CAPN5: variants seen among roughly 807,000 people sequenced by gnomAD.
The protein encoded by CAPN5 is calpain 5.
A neutral mutation model predicts 73.0 loss-of-function variants in CAPN5; 54 were observed. That is an observed-to-expected ratio of 0.74 (90% CI 0.59 to 0.93). The LOEUF (loss-of-function observed/expected upper bound fraction) is 0.93. Ranked by LOEUF, CAPN5 falls within the 40% of genes least tolerant of loss-of-function variation. The pLI, the probability that CAPN5 is intolerant of heterozygous loss-of-function variation, is 0.00. For missense variants in CAPN5, 785 were observed against 882.9 expected, an observed-to-expected ratio of 0.89 and a Z score of 1.41; for synonymous variants, 335 against 356.9, an observed-to-expected ratio of 0.94 and a Z score of 0.69.
intron 3 of CAPN5, among the ~76,000 whole-genome samples, chr11:77,112,376 C>T (rs1367153622): frequency 1.3e-5 from 2 of 151,970 alleles, no homozygotes; most frequent in African/African-American, 4.8e-5. Flanking sequence ...GGAAGGAGGC[C>T]GAGGGAGCCT....
At chr11:77,122,931 A>C (rs954386360) in intron 12 of CAPN5, among the ~76,000 whole-genome samples, 3 of 152,196 alleles carry the variant, frequency 2.0e-5, no homozygotes, top group Admixed American at 2.0e-4. Context: ...TGTGGTCCTG[A>C]GACCCAGCAG....
chr11:77,095,023 C>A (rs551873610), intron 3 of CAPN5, among the ~76,000 whole-genome samples: 189 of 152,314 alleles, frequency 1.2e-3, no homozygotes, highest in African/African-American at 4.2e-3. Context: ...CAAAGCCACT[C>A]CAGGGTGGGC....
At position 77,093,599 on chromosome 11, in the gene CAPN5, G is replaced by A. The variant is rs960575463; in HGVS notation, c.166-83G>A. The A allele has an allele frequency of 2.3e-3, 3,118 of 1,359,646 alleles. 12 individuals carry two copies. Among genetic ancestry groups the A allele is most frequent in the Non-Finnish European group, 2.4e-3 (2,429 of 1,032,872 alleles). The allele number at this position is 1,359,646 out of a possible 1,614,324, so 84.2% of individuals were successfully genotyped here. On this transcript the variant is annotated intron_variant, in intron 2 of 12. Transcript: ENST00000648180. Reference sequence around the variant, plus strand: ...CACACAGCAAGTCTGTGTCTGTCACGTCTGTGTCTGTCATGTCTCCTGCCA... The same window carrying A: ...CACACAGCAAGTCTGTGTCTGTCACATCTGTGTCTGTCATGTCTCCTGCCA...
At chr11:77,091,291 G>A (rs1165220028) in intron 2 of CAPN5, among the ~76,000 whole-genome samples, 1 of 152,144 alleles carries the variant, frequency 6.6e-6, no homozygotes, top group African/African-American at 2.4e-5. Context: ...TGCACAGCAG[G>A]GAGCAGACAT....
chr11:77,100,101 T>TCAC (rs1950269284), intron 3 of CAPN5, among the ~76,000 whole-genome samples: 1 of 152,204 alleles, frequency 6.6e-6, no homozygotes, highest in African/African-American at 2.4e-5. Flanking sequence ...CCTCCCAAGG[T>TCAC]GCTGGGATTA....
At chr11:77,095,966 C>T (rs1348707618) in intron 3 of CAPN5, among the ~76,000 whole-genome samples, 1 of 152,346 alleles carries the variant, frequency 6.6e-6, no homozygotes, top group East Asian at 1.9e-4. Flanking sequence ...GCTAATTGCA[C>T]TTTGCCTCCT....
chr11:77,122,571 C>T lies in CAPN5; in HGVS notation c.1604-5C>T. On this transcript the variant is annotated splice_polypyrimidine_tract_variant and splice_region_variant and intron_variant, in intron 11 of 12. Coordinates refer to ENST00000648180, the MANE Select transcript of CAPN5 (RefSeq NM_004055.5). ...CTCACCCCATCTCCCACTCCCTCTC[C>T]CTAGGGGCTAACTCTTATGTGATCA... is the stretch of plus-strand genomic sequence containing the variant. 6.2e-7 allele frequency: 1 copy of T among 1,605,670 alleles called. No individual in the cohort carries two copies.
In CAPN5 at chr11:77,120,865, C is replaced by T. The variant is rs368622149; in HGVS notation, c.1443C>T (p.Gly481=). Residue 481 remains glycine, a synonymous_variant, in exon 10 of 13, where the codon GGC becomes GGT. Coordinates refer to ENST00000648180, the MANE Select transcript of CAPN5 (RefSeq NM_004055.5). ...CAACCTTCGAGCCAGGCCACACTGG[C>T]GAGTTCCTGCTCCGAGTCTTCACTG... is the stretch of plus-strand genomic sequence containing the variant. ...IPTTFEPGHT[G]EFLLRVFTDV... 8 of 1,614,010 alleles carry T rather than the reference C, an allele frequency of 5.0e-6. No homozygotes were observed. Among genetic ancestry groups the T allele is most frequent in the East Asian group, 4.5e-5 (2 of 44,898 alleles).
At chr11:77,097,464 G>GTTTTTTTTTTTTT (rs58077755) in intron 3 of CAPN5, among the ~76,000 whole-genome samples, 2 of 79,738 alleles carry the variant, frequency 2.5e-5, no homozygotes, top group Admixed American at 3.0e-4. Context: ...TTTCCTTCTA[G>GTTTTTTTTTTTTT]TTTTTTTTTT....
intron 2 of CAPN5, among the ~76,000 whole-genome samples, chr11:77,092,161 G>A (rs1019039691): frequency 1.3e-5 from 2 of 152,222 alleles, no homozygotes; most frequent in African/African-American, 4.8e-5. Flanking sequence ...TGAGGCTGCA[G>A]TGAGCTGTGA....
In CAPN5 at chr11:77,085,774, G is replaced by A. The variant is rs187695983; in HGVS notation, c.165+723G>A. Among the ~76,000 whole-genome samples, 161 of 152,236 alleles carry A rather than the reference G, an allele frequency of 1.1e-3. 1 individual carries two copies. The highest frequency in any genetic ancestry group is 3.5e-3 in the South Asian group (17 of 4,818). On this transcript the variant is annotated intron_variant, in intron 2 of 12. Coordinates refer to ENST00000648180, the MANE Select transcript of CAPN5 (RefSeq NM_004055.5). Reference sequence around the variant, plus strand: ...GTGAGGGTGGGCTGGGGAGGGGTTCGCTGCTTGTCTGTGGGTCCTGCAGAA... The same window carrying A: ...GTGAGGGTGGGCTGGGGAGGGGTTCACTGCTTGTCTGTGGGTCCTGCAGAA...
chr11:77,100,834 C>T (rs1950276036), intron 3 of CAPN5, among the ~76,000 whole-genome samples: 1 of 152,228 alleles, frequency 6.6e-6, no homozygotes, highest in South Asian at 2.1e-4. Flanking sequence ...TCTCGCTTTG[C>T]CCTTTTACCC....
At chr11:77,080,728 C>G (rs1950019285) in intron 1 of CAPN5, among the ~76,000 whole-genome samples, 1 of 152,188 alleles carries the variant, frequency 6.6e-6, no homozygotes, top group Non-Finnish European at 1.5e-5. Flanking sequence ...TAAGGCAGGC[C>G]TAGGAACAGA....
At chr11:77,122,815 C>T in intron 12 of CAPN5, 103 bp downstream of exon 12, 1 of 1,446,190 alleles carries the variant, frequency 6.9e-7, no homozygotes, top group Non-Finnish European at 9.5e-7. Context: ...AGGACCCAGG[C>T]ATGCTGGGCT....
In CAPN5 at chr11:77,116,289, C is replaced by T. The variant is rs782685336; in HGVS notation, c.957C>T (p.Asp319=). The stretch of plus-strand genomic sequence containing the variant: ...AGAAGATGGGTGTGACCGTGCAGGA[C>T]GACGGTGAGTTCTGGTGAGTGTGTA... ...EREKMGVTVQ[D]DGEFWMTFED... Residue 319 remains aspartate (D), a synonymous_variant, in exon 7 of 13, where the codon GAC becomes GAT. Coordinates refer to ENST00000648180, the MANE Select transcript of CAPN5 (RefSeq NM_004055.5). 26 of 1,613,250 alleles carry T rather than the reference C, an allele frequency of 1.6e-5. No individual in the cohort carries two copies. The highest frequency in any genetic ancestry group is 1.6e-4 in the Middle Eastern group (1 of 6,078).
chr11:77,091,556 C>A (rs1357611792), intron 2 of CAPN5, among the ~76,000 whole-genome samples: 3 of 152,214 alleles, frequency 2.0e-5, no homozygotes, highest in African/African-American at 7.2e-5. Flanking sequence ...CAGCAGGATG[C>A]CTGGTACATG....
chr11:77,088,026 G>C, intron 2 of CAPN5: 2 of 1,535,986 alleles, frequency 1.3e-6, no homozygotes, highest in Non-Finnish European at 1.7e-6. Flanking sequence ...TGGGAGCTCA[G>C]GGTGTCCGTC....
chr11:77,087,665 A>G (rs1385045200), intron 2 of CAPN5, among the ~76,000 whole-genome samples: 1 of 152,078 alleles, frequency 6.6e-6, no homozygotes, highest in Non-Finnish European at 1.5e-5. Context: ...GGGGAAGGAT[A>G]ATTCTTGCTG....
At chr11:77,093,515 T>C (rs1950173376) in intron 2 of CAPN5, among the ~76,000 whole-genome samples, 167 bp from the exon 3 acceptor site, 1 of 152,096 alleles carries the variant, frequency 6.6e-6, no homozygotes, top group Non-Finnish European at 1.5e-5. Flanking sequence ...GGGGAGCAGA[T>C]GGGCCCTATG....
Sources: allele counts gnomAD v4.1 joint callset (sites outside exome capture counted in the v4.1 genomes callset), GRCh38; gene constraint gnomAD v4.1.1; transcripts MANE v1.5; gene names NCBI Gene and HGNC (gene_info 2026-07-23, HGNC 2026-07-21).